Variants in PUDP observed in about 807,000 individuals in gnomAD.
PUDP encodes the protein pseudouridine-5'-phosphatase.
In PUDP, 8 loss-of-function variants were observed where a neutral mutation model predicts 9.4. The ratio of observed to expected loss-of-function variants is 0.85; its 90% CI spans 0.50 to 1.53. The LOEUF (loss-of-function observed/expected upper bound fraction) is 1.53. Among genes scored for constraint, PUDP ranks in the 40% most tolerant of loss-of-function variants. The pLI is 0.00. For synonymous variants in PUDP, 99 were observed against 80.7 expected, an observed-to-expected ratio of 1.23 and a Z score of -1.22; for missense variants, 188 against 189.7, an observed-to-expected ratio of 0.99 and a Z score of 0.05.
At chrX:7,066,076 C>T (rs1459597816) in intron 3 of PUDP, among the ~76,000 whole-genome samples, 2 of 112,025 alleles carry the variant, frequency 1.8e-5, no homozygotes, top group East Asian at 5.6e-4. Context: ...GACCAACGAA[C>T]TTGATGCACT....
intron 3 of PUDP, among the ~76,000 whole-genome samples, chrX:7,071,770 A>ACT (rs1283209042): frequency 2.9e-5 from 2 of 68,749 alleles, no homozygotes; most frequent in Admixed American, 1.8e-4. Flanking sequence ...CCCAGAATGT[A>ACT]CTCTCTATTT....
intron 3 of PUDP, among the ~76,000 whole-genome samples, chrX:6,753,111 A>C (rs115749135): frequency 2.7e-5 from 3 of 110,467 alleles, no homozygotes; most frequent in Non-Finnish European, 5.7e-5. Flanking sequence ...GTGGTCTTTC[A>C]TCTCTCACAC....
chrX:6,819,679 C>T (rs966571596), intron 3 of PUDP, among the ~76,000 whole-genome samples: 2 of 112,064 alleles, frequency 1.8e-5, no homozygotes, highest in Non-Finnish European at 1.9e-5. Flanking sequence ...CATTCATAAT[C>T]GTAGGGATCT....
At chrX:6,882,518 C>T (rs1216962634) in intron 3 of PUDP, among the ~76,000 whole-genome samples, 1 of 111,288 alleles carries the variant, frequency 9.0e-6, no homozygotes, top group Non-Finnish European at 1.9e-5. Flanking sequence ...TTCGGGGGGG[C>T]TACAGAAAGG....
intron 3 of PUDP, among the ~76,000 whole-genome samples, chrX:6,937,906 A>G (rs1928332370): frequency 1.2e-5 from 1 of 83,914 alleles, no homozygotes; most frequent in African/African-American, 4.5e-5. Context: ...TGGCCATCAA[A>G]GAAATGCAAA....
chrX:7,081,777 T>G (rs1265613214), intron 2 of PUDP, among the ~76,000 whole-genome samples: 1 of 112,899 alleles, frequency 8.9e-6, no homozygotes, highest in African/African-American at 3.2e-5. Context: ...ATGATTAACG[T>G]TCCTCATGGA....
rs1260944918 is a variant in PUDP at position 7,012,440 on chromosome X, C to A, written c.205-34097G>T. Among the ~76,000 whole-genome samples, 23 of 112,059 alleles carry A rather than the reference C, an allele frequency of 2.1e-4. 1 individual carries two copies. The Admixed American group carries it at 2.2e-3, about 11-fold the overall frequency. ...CTTTACAGAGATCCCCTTGGCTCCACAAGGATAGAGAGTTCTTTGCTGAGA... is the reference window on the plus strand; with the variant it reads ...CTTTACAGAGATCCCCTTGGCTCCAAAAGGATAGAGAGTTCTTTGCTGAGA... On this transcript the variant is annotated intron_variant and NMD_transcript_variant, in intron 1 of 3. Transcript: ENST00000655425.
chrX:6,718,963 C>T (rs1924631402), intron 1 of PUDP, among the ~76,000 whole-genome samples: 1 of 110,777 alleles, frequency 9.0e-6, no homozygotes, highest in Non-Finnish European at 1.9e-5. Flanking sequence ...ATTCTGCCAA[C>T]AACTTGCAGA....
At chrX:6,716,863 G>A (rs72609547) in intron 1 of PUDP, among the ~76,000 whole-genome samples, 1 of 111,092 alleles carries the variant, frequency 9.0e-6, no homozygotes, top group Non-Finnish European at 1.9e-5. Flanking sequence ...TGAACTTCTG[G>A]TCTCAAGTGA....
At chrX:6,920,757 G>C (rs777382637) in intron 3 of PUDP, among the ~76,000 whole-genome samples, 1 of 111,644 alleles carries the variant, frequency 9.0e-6, no homozygotes, top group South Asian at 3.9e-4. Flanking sequence ...AAACCAAACT[G>C]TGCCCCGACC....
intron 2 of PUDP, among the ~76,000 whole-genome samples, chrX:7,081,104 T>A (rs2146871139): frequency 8.9e-6 from 1 of 112,069 alleles, no homozygotes; most frequent in African/African-American, 3.2e-5. Flanking sequence ...ACACACTGTA[T>A]AAAAATTTTC....
intron 1 of PUDP, among the ~76,000 whole-genome samples, chrX:7,003,078 C>T (rs1156547267): frequency 8.9e-6 from 1 of 111,998 alleles, no homozygotes; most frequent in East Asian, 2.8e-4. Context: ...TTATGTGGGA[C>T]TGGATATTCC....
chrX:6,816,152 C>A (rs1926229324), intron 3 of PUDP, among the ~76,000 whole-genome samples: 1 of 105,022 alleles, frequency 9.5e-6, no homozygotes, highest in Non-Finnish European at 1.9e-5. Flanking sequence ...AAAGGAATAG[C>A]TAAGAGAAAA....
At chrX:6,959,199 G>A (rs1381459436) in intron 3 of PUDP, among the ~76,000 whole-genome samples, 1 of 111,763 alleles carries the variant, frequency 8.9e-6, no homozygotes, top group Non-Finnish European at 1.9e-5. Context: ...GATCCTGAAG[G>A]TATTTCAGAG....
intron 1 of PUDP, among the ~76,000 whole-genome samples, chrX:7,041,867 C>CT (rs4011478): frequency 0.018 from 1,780 of 98,606 alleles, 21 homozygotes; most frequent in Non-Finnish European, 0.028. Flanking sequence ...CTCTCTCTCT[C>CT]TTTTTTTTTT....
intron 3 of PUDP, among the ~76,000 whole-genome samples, chrX:7,056,610 C>T (rs1159849312): frequency 2.7e-5 from 3 of 111,682 alleles, no homozygotes; most frequent in African/African-American, 9.8e-5. Context: ...GTACAGCCTA[C>T]ATATCGGCTG....
chrX:7,147,351 G>A (rs1177961691), intron 1 of PUDP, among the ~76,000 whole-genome samples: 3 of 111,391 alleles, frequency 2.7e-5, no homozygotes, highest in Non-Finnish European at 5.7e-5. Context: ...CACTGTTGAC[G>A]GCGCGGGATA....
intron 3 of PUDP, among the ~76,000 whole-genome samples, chrX:6,754,540 T>G (rs1925147369): frequency 1.8e-5 from 2 of 109,822 alleles, no homozygotes; most frequent in South Asian, 7.6e-4. Flanking sequence ...CATTATAAAT[T>G]ATATCATTAT....
chrX:7,081,121 T>G (rs1931071969), intron 2 of PUDP, among the ~76,000 whole-genome samples: 1 of 111,802 alleles, frequency 8.9e-6, no homozygotes, highest in Non-Finnish European at 1.9e-5. Flanking sequence ...TTTCTTAAAG[T>G]ACTTTGGTGC....
Sources: allele counts gnomAD v4.1 joint callset (sites outside exome capture counted in the v4.1 genomes callset), GRCh38; gene constraint gnomAD v4.1.1; transcripts MANE v1.5; gene names NCBI Gene and HGNC (gene_info 2026-07-23, HGNC 2026-07-21).